CHD3: variants seen among roughly 807,000 people sequenced by gnomAD.
CHD3 encodes the protein chromodomain helicase DNA binding protein 3, also known as ATP-dependent chromatin remodeler CHD3.
CHD3 carries 52 observed loss-of-function variants against 248.9 expected under a neutral mutation model. That is an observed-to-expected ratio of 0.21 (90% CI 0.17 to 0.26). CHD3 has a LOEUF of 0.26. Among genes scored for constraint, CHD3 ranks in the 10% least tolerant of loss-of-function variants. The pLI, the probability that CHD3 is intolerant of heterozygous loss-of-function variation, is 1.00. For missense variants in CHD3, 1,482 were observed against 2,605.8 expected, an observed-to-expected ratio of 0.57 and a Z score of 9.39; for synonymous variants, 985 against 985.2, an observed-to-expected ratio of 1.00 and a Z score of 0.00.
intron 2 of CHD3, 31 bp from the exon 3 acceptor site, chr17:7,890,540 A>C (rs537435704): frequency 1.2e-5 from 18 of 1,465,684 alleles, no homozygotes; most frequent in Non-Finnish European, 1.6e-5. Flanking sequence ...GGTAGGGATG[A>C]ATAAATGTTA....
chr17:7,885,651 C>T (rs1967792894), upstream of CHD3, among the ~76,000 whole-genome samples: 1 of 152,076 alleles, frequency 6.6e-6, no homozygotes, highest in African/African-American at 2.4e-5. Context: ...CACGGAGCAG[C>T]CGACGGGCCT....
intron 10 of CHD3, among the ~76,000 whole-genome samples, chr17:7,896,586 G>A (rs1221723623): frequency 6.6e-6 from 1 of 150,810 alleles, no homozygotes; most frequent in Non-Finnish European, 1.5e-5. Flanking sequence ...TGTATTTTTA[G>A]TAGAGACGGG....
At chr17:7,888,016 G>A (rs1326120531), upstream of CHD3, among the ~76,000 whole-genome samples, 2 of 152,234 alleles carry the variant, frequency 1.3e-5, no homozygotes, top group Non-Finnish European at 2.9e-5. Context: ...CCGTGTCCCT[G>A]AACCTTAGCC....
chr17:7,898,071 G>A lies in CHD3; in HGVS notation c.2020G>A (p.Glu674Lys). 6.2e-7 allele frequency: 1 copy of A among 1,614,126 alleles called. No homozygotes were observed. Among genetic ancestry groups the A allele is most frequent in the Non-Finnish European group, 8.5e-7 (1 of 1,180,004 alleles). ...AGATGAAATGAATATCCCTGAATACGAAGAACATAAGCAAAGCTACTGGAG... is the reference window on the plus strand; with the variant it reads ...AGATGAAATGAATATCCCTGAATACAAAGAACATAAGCAAAGCTACTGGAG... The part of the protein sequence containing the change: ...EEDEMNIPEY[E>K]EHKQSYWRHR... Residue 674 changes from glutamate to lysine, a missense_variant, in exon 12 of 40, where the codon GAA becomes AAA. Glu to Lys is a moderately conservative substitution (Grantham distance 56). Around this residue, in one of 20 missense-constraint regions of CHD3, gnomAD observed 127 missense variants for 188.3 expected, o/e 0.67. Transcript: ENST00000330494.
At chr17:7,902,810 C>T in intron 21 of CHD3, 83 bp downstream of exon 21, 1 of 1,583,224 alleles carries the variant, frequency 6.3e-7, no homozygotes, top group South Asian at 1.1e-5. Flanking sequence ...GGGGGACTGG[C>T]TTGGGGGACA....
At chr17:7,891,100 CTT>C (rs1968785497) in intron 4 of CHD3, 36 bp downstream of exon 4, 4 of 1,608,424 alleles carry the variant, frequency 2.5e-6, no homozygotes, top group African/African-American at 1.3e-5. Context: ...CTAATTGACA[CTT>C]TTAATTTGAG....
chr17:7,902,983 G>T lies in CHD3; in HGVS notation c.3417G>T (p.Gly1139=), dbSNP rs61753146. The change falls in exon 22 of 40, where the codon GGG becomes GGT. Residue 1139 remains glycine (G), a synonymous_variant. Coordinates refer to ENST00000330494, the MANE Select transcript of CHD3 (RefSeq NM_001005273.3). ...GCTTCCTCCTGTCCACCCGAGCTGG[G>T]GGCCTGGGCATCAATCTGGCCACTG... ...QFCFLLSTRA[G]GLGINLATAD... 2,893 of 1,614,040 alleles carry T rather than the reference G, an allele frequency of 1.8e-3. 4 individuals carry two copies. Among genetic ancestry groups the T allele is most frequent in the Non-Finnish European group, 2.2e-3 (2,649 of 1,179,998 alleles).
In CHD3 at chr17:7,904,391, G is replaced by T; in HGVS notation, c.3895-51G>T. The T allele has an allele frequency of 1.9e-6, 3 of 1,546,536 alleles. No homozygotes were observed. Among genetic ancestry groups the T allele is most frequent in the Non-Finnish European group, 2.7e-6 (3 of 1,127,718 alleles). ...AGTAGGGATTTCCTTGCAGTGGAAG[G>T]ATTAGCAAAGAAGGAGACCCCCAGT... On this transcript the variant is annotated intron_variant, in intron 24 of 39. Transcript: ENST00000330494. This position sits in a 1 kb window ranked among gnomAD's most constrained non-coding sequence, Gnocchi z 4.4.
In CHD3 at chr17:7,906,848, C is replaced by T. The variant is rs1219435414; in HGVS notation, c.4504-21C>T. The T allele has an allele frequency of 6.2e-7, 1 of 1,613,794 alleles. No homozygotes were observed. The highest frequency in any genetic ancestry group is 1.7e-5 in the Admixed American group (1 of 59,986). ...TAAGCGCCTGGAGCTGACACCTAAC[C>T]CTCCCACCCTGCCACCCCAGGTGCA... On this transcript the variant is annotated intron_variant, in intron 29 of 39. Coordinates refer to ENST00000330494, the MANE Select transcript of CHD3 (RefSeq NM_001005273.3). The surrounding 1 kb of genome is among the most constrained non-coding windows in gnomAD (Gnocchi z 5.0).
Position 7,906,171 on chromosome 17 carries a change from C to G in CHD3, c.4358+182C>G. 1 of 982,322 alleles carries G rather than the reference C, an allele frequency of 1.0e-6. No individual in the cohort carries two copies. The highest frequency in any genetic ancestry group is 1.3e-5 in the South Asian group (1 of 77,826). The allele number at this position is 982,322 out of a possible 1,614,324, so 60.9% of individuals were successfully genotyped here. A position where few individuals can be genotyped will look rare whatever the true frequency, so the allele number is the denominator to read the frequency against. On this transcript the variant is annotated intron_variant, in intron 28 of 39. Transcript: ENST00000330494. This position sits in a 1 kb window ranked among gnomAD's most constrained non-coding sequence, Gnocchi z 5.0. ...CTCAGCCCACTCCACCTCCCCTCAG[C>G]CGAGCCTAGAGTAGAGGGGCCAGGC...
upstream of CHD3, among the ~76,000 whole-genome samples, chr17:7,886,847 G>T (rs1376358881): frequency 1.3e-5 from 2 of 152,066 alleles, no homozygotes. The surrounding 1 kb of genome is among the most constrained non-coding windows in gnomAD (Gnocchi z 4.2). Context: ...ATCTGGGTAC[G>T]TTGGGGAGAG....
At position 7,893,276 on chromosome 17, in the gene CHD3, A is replaced by G. The variant is rs938832133; in HGVS notation, c.510-10A>G. The G allele has an allele frequency of 3.8e-6, 6 of 1,596,646 alleles. No individual in the cohort carries two copies. Among genetic ancestry groups the G allele is most frequent in the East Asian group, 4.5e-5 (2 of 44,598 alleles). ...TGAAGGGTCCGAGTTTTCTGCTTCT[A>G]TATTTACAGGCCCCTAATTGCTAAG... is the stretch of plus-strand genomic sequence containing the variant. On this transcript the variant is annotated splice_polypyrimidine_tract_variant and intron_variant, in intron 4 of 39. Transcript: ENST00000330494.
Position 7,893,823 on chromosome 17 carries a change from G to C in CHD3, c.812G>C (p.Arg271Pro). The C allele has an allele frequency of 6.2e-7, 1 of 1,614,070 alleles. No individual in the cohort carries two copies. Among genetic ancestry groups the C allele is most frequent in the Non-Finnish European group, 8.5e-7 (1 of 1,180,018 alleles). The change falls in exon 6 of 40, where the codon CGG becomes CCG. Residue 271 changes from arginine to proline, a missense_variant. Physicochemically the swap from Arg to Pro is moderately radical, Grantham distance 103 (BLOSUM62 -2). Transcript: ENST00000330494. ...CATTCAGGTCCAGGCCATAAGAGGC[G>C]GAGTAAGAGCCCCCGAGTGCCTGAT... ...KEGKGPGHKR[R>P]SKSPRVPDGR... is the part of the protein sequence containing the mutation.
In CHD3 at chr17:7,903,619, CCTT is replaced by C; in HGVS notation, c.3727+120_3727+122del. On this transcript the variant is annotated intron_variant, in intron 23 of 39. Transcript: ENST00000330494. This position sits in a 1 kb window ranked among gnomAD's most constrained non-coding sequence, Gnocchi z 6.8. ...TCTGCAGCCTTTGAAGGAAGGAGAG[CCTT>C]CTTTTAGTAGCCCTTGGAGGAAGGT... 9.4e-7 allele frequency: 1 copy of C among 1,063,132 alleles called. No individual in the cohort carries two copies. The highest frequency in any genetic ancestry group is 1.4e-6 in the Non-Finnish European group (1 of 737,210). The allele number at this position is 1,063,132 out of a possible 1,614,324, so 65.9% of individuals were successfully genotyped here.
rs772811110 is a variant in CHD3, at chr17:7,894,120, T to A, written c.930T>A (p.Val310=). The A allele has an allele frequency of 1.9e-6, 3 of 1,606,848 alleles. No homozygotes were observed. Among genetic ancestry groups the A allele is most frequent in the Non-Finnish European group, 1.7e-6 (2 of 1,175,760 alleles). The change falls in exon 7 of 40, where the codon GTT becomes GTA. Residue 310 remains valine, a synonymous_variant. Transcript: ENST00000330494. The part of the protein sequence containing the change: ...GGKRKKGGSY[V]FQSDEGPEPE... ...GGCCACGGGGCTATGGGCAGTATGTTTTTCAGAGCGACGAAGGTCCTGAAC... is the reference window on the plus strand; with the variant it reads ...GGCCACGGGGCTATGGGCAGTATGTATTTCAGAGCGACGAAGGTCCTGAAC...
chr17:7,887,826 G>C (rs1172018794), upstream of CHD3, among the ~76,000 whole-genome samples: 1 of 152,250 alleles, frequency 6.6e-6, no homozygotes, highest in Non-Finnish European at 1.5e-5. Context: ...CCAGCATTGA[G>C]TGGCTGCTGA....
rs1019434165 is a variant in CHD3, at chr17:7,889,470, C to T, written c.101-194C>T. On this transcript the variant is annotated intron_variant, in intron 1 of 39. Transcript: ENST00000330494. The surrounding 1 kb of genome is among the most constrained non-coding windows in gnomAD (Gnocchi z 4.5). ...CTGCTCTTCTCTTCTGACCCCTGAC[C>T]TCCCATTCAGAACCAGAGCATCCCA... is the stretch of plus-strand genomic sequence containing the variant. Among the ~76,000 whole-genome samples the T allele has an allele frequency of 6.6e-6, 1 of 152,222 alleles. No homozygotes were observed. Among genetic ancestry groups the T allele is most frequent in the Admixed American group, 6.5e-5 (1 of 15,288 alleles).
rs537839026 is a variant in CHD3 at position 7,904,651 on chromosome 17, G to T, written c.4072+32G>T. On this transcript the variant is annotated intron_variant, in intron 25 of 39. Coordinates refer to ENST00000330494, the MANE Select transcript of CHD3 (RefSeq NM_001005273.3). This position sits in a 1 kb window ranked among gnomAD's most constrained non-coding sequence, Gnocchi z 4.4. ...ACTGCCCCAGATGCAGGCAGTAAAG[G>T]GGGGAAGTGATGATGAGTAGGGACT... 8.8e-6 allele frequency: 14 copies of T among 1,594,368 alleles called. No individual in the cohort carries two copies. The highest frequency in any genetic ancestry group is 1.7e-5 in the Admixed American group (1 of 59,236).
chr17:7,907,051 G>C lies in CHD3; in HGVS notation c.4666+20G>C. ...AACCTGGTAATCAGAAGTCAGGATG[G>C]TGGGAGAGACAGAAAGGGAGCCAGG... is the stretch of plus-strand genomic sequence containing the variant. On this transcript the variant is annotated intron_variant, in intron 30 of 39. Transcript: ENST00000330494. The surrounding 1 kb of genome is among the most constrained non-coding windows in gnomAD (Gnocchi z 4.3). The C allele has an allele frequency of 6.2e-7, 1 of 1,613,976 alleles. No homozygotes were observed. The highest frequency in any genetic ancestry group is 1.1e-5 in the South Asian group (1 of 91,080).
Sources: gnomAD v4.1 joint callset for allele counts (sites outside exome capture counted in the v4.1 genomes callset) on GRCh38, gnomAD v4.1.1 for gene constraint, gnomAD v4.1.1 regional missense constraint, Gnocchi (gnomAD v3.1) non-coding constraint, MANE v1.5 for transcripts, NCBI Gene and HGNC (gene_info 2026-07-23, HGNC 2026-07-21) for gene names.